The following OSBPL1A variants were observed in gnomAD, a reference collection of about 807,000 sequenced individuals.
OSBPL1A encodes oxysterol-binding protein-related protein 1.
In OSBPL1A, 80 loss-of-function variants were observed where a neutral mutation model predicts 137.1. The ratio of observed to expected loss-of-function variants is 0.58; its 90% CI spans 0.49 to 0.70. The LOEUF (loss-of-function observed/expected upper bound fraction) is 0.70, where lower values mean the gene tolerates loss of function less well. OSBPL1A is among the 30% of genes least tolerant of loss of function. The probability of loss-of-function intolerance (pLI) is 0.00; values close to 1 mark genes in which losing one functional copy is unlikely to be tolerated. For synonymous variants in OSBPL1A, 365 were observed against 389.7 expected (o/e 0.94, Z 0.75); for missense variants, 970 against 1,129.4 (o/e 0.86, Z 2.02).
At chr18:24,341,475 A>G (rs2091271734) in intron 5 of OSBPL1A, 72 bp downstream of exon 5, 5 of 1,124,590 alleles carry the variant, frequency 4.4e-6, no homozygotes, top group Non-Finnish European at 6.6e-6. Context: ...TCTTTCTCAG[A>G]AGCCATTTTT....
chr18:24,228,448 A>C (rs528008560), intron 16 of OSBPL1A, among the ~76,000 whole-genome samples: 1 of 152,172 alleles, frequency 6.6e-6, no homozygotes, highest in East Asian at 1.9e-4. Flanking sequence ...TTCAATTCTT[A>C]TTTTGACTCA....
intron 7 of OSBPL1A, among the ~76,000 whole-genome samples, chr18:24,327,771 A>G (rs1203686028): frequency 6.6e-6 from 1 of 152,188 alleles, no homozygotes; most frequent in African/African-American, 2.4e-5. Context: ...AAACAAATTA[A>G]TAGCTTTAAC....
chr18:24,376,360 G>A (rs867396842), intron 2 of OSBPL1A, among the ~76,000 whole-genome samples: 21 of 152,202 alleles, frequency 1.4e-4, no homozygotes, highest in South Asian at 4.1e-4. Context: ...GTATTGATTG[G>A]TGCATTCACA....
intron 4 of OSBPL1A, among the ~76,000 whole-genome samples, chr18:24,360,112 G>A (rs1243636692): frequency 2.6e-5 from 4 of 152,138 alleles, no homozygotes; most frequent in African/African-American, 9.7e-5. Flanking sequence ...GGGATTACAG[G>A]TACCCGACAC....
intron 17 of OSBPL1A, among the ~76,000 whole-genome samples, chr18:24,202,135 T>C (rs924890894): frequency 1.3e-5 from 2 of 152,100 alleles, no homozygotes; most frequent in Non-Finnish European, 2.9e-5. Context: ...GTCATCTCTT[T>C]CATGGAGGCT....
intron 18 of OSBPL1A, among the ~76,000 whole-genome samples, chr18:24,183,364 G>A (rs991483299): frequency 2.6e-5 from 4 of 151,616 alleles, no homozygotes; most frequent in African/African-American, 9.7e-5. Flanking sequence ...ACATACCTAT[G>A]TATTTACACA....
At chr18:24,285,395 G>A (rs2090051204) in intron 14 of OSBPL1A, among the ~76,000 whole-genome samples, 1 of 151,942 alleles carries the variant, frequency 6.6e-6, no homozygotes, top group Non-Finnish European at 1.5e-5. Flanking sequence ...TGGTCCTTTA[G>A]TTTAAAAATG....
At chr18:24,264,076 G>A (rs1210320313) in intron 15 of OSBPL1A, among the ~76,000 whole-genome samples, 1 of 152,188 alleles carries the variant, frequency 6.6e-6, no homozygotes, top group Non-Finnish European at 1.5e-5. Context: ...TCTAGTGATT[G>A]CCAAACTGTA....
chr18:24,255,608 C>A (rs1419231195), intron 15 of OSBPL1A, among the ~76,000 whole-genome samples: 1 of 152,142 alleles, frequency 6.6e-6, no homozygotes, highest in African/African-American at 2.4e-5. Context: ...CCTTTCCAGA[C>A]CGAACCAATG....
At chr18:24,224,404 T>C (rs1365503921) in intron 17 of OSBPL1A, among the ~76,000 whole-genome samples, 1 of 152,208 alleles carries the variant, frequency 6.6e-6, no homozygotes, top group Non-Finnish European at 1.5e-5. Flanking sequence ...TATTTTACTA[T>C]ATGAACACTA....
At chr18:24,264,978 T>C (rs1451939430) in intron 15 of OSBPL1A, among the ~76,000 whole-genome samples, 4 of 152,154 alleles carry the variant, frequency 2.6e-5, no homozygotes, top group African/African-American at 9.7e-5. Flanking sequence ...GGTACCGCAG[T>C]GGATGAATGG....
intron 27 of OSBPL1A, 61 bp downstream of exon 27, chr18:24,165,004 C>A (rs1056972205): frequency 2.6e-6 from 4 of 1,545,564 alleles, no homozygotes; most frequent in Admixed American, 1.7e-5. Flanking sequence ...GCATCCCTGC[C>A]TCGTCTGCAC....
At chr18:24,193,558 C>T (rs909437211) in intron 18 of OSBPL1A, among the ~76,000 whole-genome samples, 15 of 151,650 alleles carry the variant, frequency 9.9e-5, no homozygotes, top group Admixed American at 8.5e-4. Flanking sequence ...TCTTTACTGT[C>T]GCTTAGTGCT....
At chr18:24,395,420 T>G (rs1907665681) in intron 1 of OSBPL1A, among the ~76,000 whole-genome samples, 1 of 152,108 alleles carries the variant, frequency 6.6e-6, no homozygotes. Context: ...CAGTTCCACT[T>G]AAAAATATTA....
chr18:24,332,385 C>CAAAAAAAAAAA (rs71163675), intron 7 of OSBPL1A, among the ~76,000 whole-genome samples: 6 of 53,062 alleles, frequency 1.1e-4, no homozygotes, highest in African/African-American at 3.7e-4. Flanking sequence ...GACTCTGTCT[C>CAAAAAAAAAAA]AAAAAAAAAA....
intron 27 of OSBPL1A, 118 bp downstream of exon 27, chr18:24,164,947 G>C: frequency 1.0e-6 from 1 of 975,138 alleles, no homozygotes; most frequent in South Asian, 1.6e-5. Flanking sequence ...GGACAACTCG[G>C]CAGGGTTTGT....
At chr18:24,249,369 TAGA>T (rs559528972) in intron 15 of OSBPL1A, among the ~76,000 whole-genome samples, 107 of 152,334 alleles carry the variant, frequency 7.0e-4, no homozygotes, top group African/African-American at 2.5e-3. Flanking sequence ...GATGGCGGAA[TAGA>T]AGCTTACATC....
chr18:24,185,948 G>T (rs1259677536), intron 18 of OSBPL1A, among the ~76,000 whole-genome samples: 4 of 152,068 alleles, frequency 2.6e-5, no homozygotes, highest in Non-Finnish European at 5.9e-5. Flanking sequence ...TGCATCTGTA[G>T]TCCCAGCTTC....
chr18:24,323,539 CTTTTT>C lies in OSBPL1A; in HGVS notation c.626-4735_626-4731del, dbSNP rs763234169. 1.7e-3 allele frequency among the ~76,000 whole-genome samples: 59 copies of C among 35,154 alleles called. 11 individuals carry two copies. Among genetic ancestry groups the C allele is most frequent in the Non-Finnish European group, 2.5e-3 (50 of 20,100 alleles). 23.1% of individuals were successfully genotyped at this position (35,154 alleles called of 152,430 possible). On this transcript the variant is annotated intron_variant, in intron 7 of 27. Coordinates refer to ENST00000319481, the MANE Select transcript of OSBPL1A (RefSeq NM_080597.4). ...ACACCCAGCCAGGGTGAGGCTTTTTCTTTTTTTTTTTTTTTTTTTTTTATTATACT... is the reference window on the plus strand; with the variant it reads ...ACACCCAGCCAGGGTGAGGCTTTTTCTTTTTTTTTTTTTTTTTATTATACT...
Sources: gnomAD v4.1 joint callset for allele counts (sites outside exome capture counted in the v4.1 genomes callset) on GRCh38, gnomAD v4.1.1 for gene constraint, MANE v1.5 for transcripts, NCBI Gene and HGNC (gene_info 2026-07-23, HGNC 2026-07-21) for gene names.